PCBP3: variants seen among roughly 807,000 people sequenced by gnomAD.
PCBP3 encodes poly(rC)-binding protein 3.
Under a neutral mutation model 52.7 loss-of-function variants are expected in PCBP3, and 25 were observed. The ratio of observed to expected loss-of-function variants is 0.47; its 90% CI spans 0.35 to 0.66. The LOEUF (loss-of-function observed/expected upper bound fraction) is 0.66. Ranked by LOEUF, PCBP3 falls within the 30% of genes least tolerant of loss-of-function variation. The pLI is 0.01. For synonymous variants in PCBP3, 162 were observed against 183.0 expected (o/e 0.89, Z 0.93); for missense variants, 391 against 490.3 (o/e 0.80, Z 1.91).
At chr21:45,698,058 G>A (rs947307957) in intron 2 of PCBP3, among the ~76,000 whole-genome samples, 4 of 152,148 alleles carry the variant, frequency 2.6e-5, no homozygotes, top group Admixed American at 6.5e-5. Flanking sequence ...TCACAATTTA[G>A]TCCCTGGGAG....
intron 5 of PCBP3, among the ~76,000 whole-genome samples, chr21:45,860,670 C>T (rs1281209373): frequency 6.6e-6 from 1 of 152,186 alleles, no homozygotes; most frequent in South Asian, 2.1e-4. Flanking sequence ...AAAGATCGTG[C>T]GAGGCTGCGT....
At chr21:45,856,591 C>A (rs575363295) in intron 5 of PCBP3, among the ~76,000 whole-genome samples, 1 of 152,142 alleles carries the variant, frequency 6.6e-6, no homozygotes, top group Non-Finnish European at 1.5e-5. Flanking sequence ...TGTGGCACGC[C>A]CCCCCCACCC....
chr21:45,802,527 C>T lies in PCBP3; in HGVS notation c.-126+47075C>T, dbSNP rs2092345536. ...GGCTCTGCAGAGACGGCTCTGAGAG[C>T]AAAAGTGAGCCATGCTGGAGAAGGG... On this transcript the variant is annotated intron_variant, in intron 4 of 17. Coordinates refer to ENST00000681687, the MANE Select transcript of PCBP3 (RefSeq NM_001384156.1). The surrounding 1 kb of genome is among the most constrained non-coding windows in gnomAD (Gnocchi z 5.1). Among the ~76,000 whole-genome samples, 1 of 152,096 alleles carries T rather than the reference C, an allele frequency of 6.6e-6. No individual in the cohort carries two copies. Among genetic ancestry groups the T allele is most frequent in the African/African-American group, 2.4e-5 (1 of 41,400 alleles).
chr21:45,932,023 G>A (rs138956848), intron 15 of PCBP3, among the ~76,000 whole-genome samples: 4,255 of 151,808 alleles, frequency 0.028, 74 homozygotes, highest in Non-Finnish European at 0.038. Flanking sequence ...CGGCCGTGCC[G>A]TCCTGAGATG....
chr21:45,678,305 CA>C (rs201979527), intron 2 of PCBP3, among the ~76,000 whole-genome samples: 23,934 of 132,150 alleles, frequency 0.18, 1,945 homozygotes, highest in Middle Eastern at 0.35. Context: ...GACTCCATCT[CA>C]AAAAAAAAAA....
chr21:45,931,798 T>C (rs56300197), intron 15 of PCBP3, among the ~76,000 whole-genome samples: 4 of 149,970 alleles, frequency 2.7e-5, no homozygotes, highest in East Asian at 2.0e-4. Context: ...TCGGCCATGC[T>C]GTCCTGAGAT....
At chr21:45,763,698 C>T (rs1303585222) in intron 4 of PCBP3, 1 of 152,390 alleles carries the variant, frequency 6.6e-6, no homozygotes, top group Non-Finnish European at 1.5e-5. Flanking sequence ...GCCGCGCCCT[C>T]CCCGCGGGTC....
In PCBP3 at chr21:45,930,007, G is replaced by T; in HGVS notation, c.796+12G>T. On this transcript the variant is annotated intron_variant, in intron 14 of 17. Transcript: ENST00000681687. ...CCCCGCTTTCCCCGGTACGTACCCAGCCCTTTTCTCACCTCCTTCTCTTCT... is the reference window on the plus strand; with the variant it reads ...CCCCGCTTTCCCCGGTACGTACCCATCCCTTTTCTCACCTCCTTCTCTTCT... The T allele has an allele frequency of 6.2e-7, 1 of 1,600,958 alleles. No homozygotes were observed. Among genetic ancestry groups the T allele is most frequent in the Non-Finnish European group, 8.6e-7 (1 of 1,168,364 alleles).
intron 4 of PCBP3, among the ~76,000 whole-genome samples, chr21:45,812,409 G>T (rs916786452): frequency 6.6e-6 from 1 of 152,156 alleles, no homozygotes; most frequent in African/African-American, 2.4e-5. Context: ...TTAACATTGT[G>T]TTGTTGTCGT....
At chr21:45,938,757 A>T (rs1350339458) in intron 16 of PCBP3, among the ~76,000 whole-genome samples, 1 of 152,134 alleles carries the variant, frequency 6.6e-6, no homozygotes, top group Non-Finnish European at 1.5e-5. Flanking sequence ...ATCTACAAAG[A>T]CTGAGGGTTC....
In PCBP3 at chr21:45,927,015, G is replaced by A. The variant is rs144171388; in HGVS notation, c.718-2902G>A. ...AAAAATCAAGCAATAAGAAACATGG[G>A]CGAATGACAGAAACAGACATTTTGC... On this transcript the variant is annotated intron_variant, in intron 13 of 17. Coordinates refer to ENST00000681687, the MANE Select transcript of PCBP3 (RefSeq NM_001384156.1). Among the ~76,000 whole-genome samples the A allele has an allele frequency of 4.6e-3, 702 of 152,248 alleles. 6 individuals are homozygous for A. The highest frequency in any genetic ancestry group is 0.016 in the African/African-American group (664 of 41,538).
intron 2 of PCBP3, among the ~76,000 whole-genome samples, chr21:45,719,218 G>A (rs2084443137): frequency 6.6e-6 from 1 of 152,128 alleles, no homozygotes; most frequent in Non-Finnish European, 1.5e-5. Flanking sequence ...AATTAGAGCT[G>A]AGGCAGTTTG....
rs951356377 is a variant in PCBP3, at chr21:45,928,219, C to T, written c.718-1698C>T. 6.6e-6 allele frequency among the ~76,000 whole-genome samples: 1 copy of T among 152,200 alleles called. No individual in the cohort carries two copies. Among genetic ancestry groups the T allele is most frequent in the African/African-American group, 2.4e-5 (1 of 41,452 alleles). ...AGCTGGTGTCCTTGGGACAGGATGTCCCCCACAAGCTCTCCTGGCACCCTC... is the reference window on the plus strand; with the variant it reads ...AGCTGGTGTCCTTGGGACAGGATGTTCCCCACAAGCTCTCCTGGCACCCTC... On this transcript the variant is annotated intron_variant, in intron 13 of 17. Coordinates refer to ENST00000681687, the MANE Select transcript of PCBP3 (RefSeq NM_001384156.1). This position sits in a 1 kb window ranked among gnomAD's most constrained non-coding sequence, Gnocchi z 4.1.
intron 4 of PCBP3, among the ~76,000 whole-genome samples, chr21:45,813,283 C>T (rs1472636855): frequency 6.6e-6 from 1 of 152,112 alleles, no homozygotes; most frequent in East Asian, 1.9e-4. Flanking sequence ...GCTTTGTATG[C>T]AGTATGTGTT....
At chr21:45,725,909 G>A (rs1248958525) in intron 2 of PCBP3, among the ~76,000 whole-genome samples, 3 of 152,132 alleles carry the variant, frequency 2.0e-5, no homozygotes, top group Non-Finnish European at 4.4e-5. Context: ...CAGTGCAGGA[G>A]ATGAGGTCAG....
chr21:45,733,543 G>A (rs530185094), intron 2 of PCBP3, among the ~76,000 whole-genome samples: 7 of 151,486 alleles, frequency 4.6e-5, no homozygotes, highest in African/African-American at 9.7e-5. Context: ...TGCCCGCCTC[G>A]GCCTCCCAAA....
chr21:45,807,177 G>A (rs540810281), intron 4 of PCBP3, among the ~76,000 whole-genome samples: 2 of 152,178 alleles, frequency 1.3e-5, no homozygotes, highest in Non-Finnish European at 2.9e-5. Context: ...AGTATTGGAA[G>A]TTCTAGCCAG....
intron 5 of PCBP3, among the ~76,000 whole-genome samples, chr21:45,874,474 G>GGCCTTATA (rs2095168436): frequency 6.7e-6 from 1 of 150,348 alleles, no homozygotes; most frequent in African/African-American, 2.4e-5. Context: ...TCTTTCTGAT[G>GGCCTTATA]GCCTTATACA....
rs562381867 is a variant in PCBP3 at position 45,815,507 on chromosome 21, T to C, written c.-125-34454T>C. Among the ~76,000 whole-genome samples the C allele has an allele frequency of 5.1e-4, 43 of 85,038 alleles. 1 individual carries two copies. The highest frequency in any genetic ancestry group is 2.2e-3 in the African/African-American group (42 of 19,522). 55.8% of individuals were successfully genotyped at this position (85,038 alleles called of 152,430 possible). A position where few individuals can be genotyped will look rare whatever the true frequency, so the allele number is the denominator to read the frequency against. ...TGAGTGGTGAGTGATGAGTGAGTGG[T>C]GAGTGAGTGGTGAGTGATGAGTGAG... is the stretch of plus-strand genomic sequence containing the variant. On this transcript the variant is annotated intron_variant, in intron 4 of 17. Transcript: ENST00000681687.
Sources: gnomAD v4.1 joint callset for allele counts (sites outside exome capture counted in the v4.1 genomes callset) on GRCh38, gnomAD v4.1.1 for gene constraint, Gnocchi (gnomAD v3.1) non-coding constraint, MANE v1.5 for transcripts, NCBI Gene and HGNC (gene_info 2026-07-23, HGNC 2026-07-21) for gene names.